NTRK2: variants seen among roughly 807,000 people sequenced by gnomAD.
NTRK2 encodes BDNF/NT-3 growth factors receptor.
A neutral mutation model predicts 94.5 loss-of-function variants in NTRK2; 13 were observed. The ratio of observed to expected loss-of-function variants is 0.14; its 90% CI spans 0.09 to 0.22. The LOEUF is 0.22. Ranked by LOEUF, NTRK2 falls within the 10% of genes least tolerant of loss-of-function variation. The probability of loss-of-function intolerance (pLI) is 1.00; values close to 1 mark genes in which losing one functional copy is unlikely to be tolerated. For synonymous variants in NTRK2, 372 were observed against 407.4 expected (o/e 0.91, Z 1.05); for missense variants, 639 against 1,071.2 (o/e 0.60, Z 5.63).
intron 16 of NTRK2, among the ~76,000 whole-genome samples, chr9:84,952,239 T>TA (rs1823550456): frequency 6.6e-6 from 1 of 152,190 alleles, no homozygotes; most frequent in Non-Finnish European, 1.5e-5. Context: ...CTGCAAGAAC[T>TA]CATGGTCTTA....
chr9:84,913,269 A>G (rs1195960369), intron 14 of NTRK2, among the ~76,000 whole-genome samples: 3 of 152,082 alleles, frequency 2.0e-5, no homozygotes, highest in African/African-American at 7.2e-5. Context: ...ATACATACAT[A>G]TATATAACTT....
At chr9:84,931,893 G>T (rs1459302999) in intron 14 of NTRK2, among the ~76,000 whole-genome samples, 1 of 152,002 alleles carries the variant, frequency 6.6e-6, no homozygotes, top group Non-Finnish European at 1.5e-5. Flanking sequence ...GTCTTTATAT[G>T]GGCACTCTCC....
Position 85,025,777 on chromosome 9 carries a change from T to C in NTRK2, c.*4340T>C, listed in dbSNP as rs1833003692. ...GTTATAGGAAATCTCATGAGAGGAA[T>C]GGCTAGTGACCCAACTCTCCAAATG... On this transcript the variant is annotated 3_prime_UTR_variant, in exon 19 of 19. Coordinates refer to ENST00000277120, the MANE Select transcript of NTRK2 (RefSeq NM_006180.6). 8.6e-6 allele frequency: 2 copies of C among 233,016 alleles called. No individual in the cohort carries two copies. Among genetic ancestry groups the C allele is most frequent in the Admixed American group, 1.1e-4 (2 of 17,776 alleles). 14.4% of individuals were successfully genotyped at this position (233,016 alleles called of 1,614,324 possible).
rs1212177761 is a variant in NTRK2, at chr9:85,024,321, A to G, written c.*2884A>G. On this transcript the variant is annotated 3_prime_UTR_variant, in exon 19 of 19. Transcript: ENST00000277120. ...ATCCTCGTTCTAAAATGTAATGATC[A>G]CCAAATACGGCCTTCCATCAAATTT... 7 of 232,998 alleles carry G rather than the reference A, an allele frequency of 3.0e-5. No homozygotes were observed. Among genetic ancestry groups the G allele is most frequent in the Non-Finnish European group, 8.5e-6 (1 of 117,956 alleles). The allele number at this position is 232,998 out of a possible 1,614,324, so 14.4% of individuals were successfully genotyped here.
In NTRK2 at chr9:84,875,867, G is replaced by T. The variant is rs1432221745; in HGVS notation, c.1633+8436G>T. 2.9e-6 allele frequency: 3 copies of T among 1,041,884 alleles called. No individual in the cohort carries two copies. In the African/African-American group the frequency reaches 5.0e-5, roughly 17 times the overall value. 64.5% of individuals were successfully genotyped at this position (1,041,884 alleles called of 1,614,324 possible). A position where few individuals can be genotyped will look rare whatever the true frequency, so the allele number is the denominator to read the frequency against. ...TGACATCCAATAATATGTTAGTGTT[G>T]ATATTTTGCACAGTAATATTAAGTT... is the stretch of plus-strand genomic sequence containing the variant. On this transcript the variant is annotated intron_variant, in intron 14 of 18. Coordinates refer to ENST00000277120, the MANE Select transcript of NTRK2 (RefSeq NM_006180.6).
chr9:84,987,900 A>C (rs116576612), intron 17 of NTRK2, among the ~76,000 whole-genome samples: 12 of 152,224 alleles, frequency 7.9e-5, no homozygotes, highest in African/African-American at 2.7e-4. Context: ...CTGTTCTTCA[A>C]TGTTGTAAAT....
intron 12 of NTRK2, among the ~76,000 whole-genome samples, chr9:84,803,671 C>T (rs2070762012): frequency 1.3e-5 from 2 of 152,168 alleles, no homozygotes; most frequent in South Asian, 4.2e-4. Flanking sequence ...AGGATGTTGG[C>T]CTACCTTCCA....
At chr9:84,781,492 C>A (rs7020597) in intron 12 of NTRK2, among the ~76,000 whole-genome samples, 1 of 152,038 alleles carries the variant, frequency 6.6e-6, no homozygotes, top group Non-Finnish European at 1.5e-5. Flanking sequence ...CATTAAAGAC[C>A]TAGCCTTTTT....
chr9:84,942,769 T>G (rs2078455636), intron 15 of NTRK2, among the ~76,000 whole-genome samples: 1 of 150,986 alleles, frequency 6.6e-6, no homozygotes, highest in South Asian at 2.1e-4. Flanking sequence ...TCAAAATCTG[T>G]TAGGTTTTTT....
chr9:84,844,645 T>TCACA (rs1437884217), intron 12 of NTRK2, among the ~76,000 whole-genome samples: 71 of 101,714 alleles, frequency 7.0e-4, no homozygotes, highest in African/African-American at 2.2e-3. Flanking sequence ...ATGTAATACC[T>TCACA]CACTCACACA....
intron 12 of NTRK2, among the ~76,000 whole-genome samples, chr9:84,833,619 A>C (rs1267922693): frequency 6.7e-6 from 1 of 148,528 alleles, no homozygotes; most frequent in East Asian, 2.1e-4. Context: ...AGAAAGAGAG[A>C]GAGAAAGAAA....
chr9:84,988,530 G>C lies in NTRK2; in HGVS notation c.2173-31676G>C, dbSNP rs150282075. 3.3e-5 allele frequency among the ~76,000 whole-genome samples: 5 copies of C among 152,236 alleles called. No individual in the cohort carries two copies. In the East Asian group the frequency reaches 9.7e-4, roughly 29 times the overall value. On this transcript the variant is annotated intron_variant, in intron 17 of 18. Coordinates refer to ENST00000277120, the MANE Select transcript of NTRK2 (RefSeq NM_006180.6). ...AAGAGTGAGACAATTCTCCCATCAT[G>C]TTTGAGAACCACTGCATTAGAGAAT...
At chr9:84,791,232 A>G (rs1301094991) in intron 12 of NTRK2, among the ~76,000 whole-genome samples, 1 of 152,176 alleles carries the variant, frequency 6.6e-6, no homozygotes, top group Non-Finnish European at 1.5e-5. Flanking sequence ...CAAAAAATGG[A>G]TTTCCAAAGT....
At chr9:84,814,348 A>G (rs1434710399) in intron 12 of NTRK2, 5 of 1,065,450 alleles carry the variant, frequency 4.7e-6, no homozygotes, top group African/African-American at 1.6e-5. Context: ...ACAGAAAACC[A>G]GTTTCACGCC....
At chr9:84,833,825 T>G (rs774699232) in intron 12 of NTRK2, among the ~76,000 whole-genome samples, 1 of 152,156 alleles carries the variant, frequency 6.6e-6, no homozygotes, top group South Asian at 2.1e-4. Context: ...GAGCACTTTT[T>G]AAAAACCCAG....
intron 17 of NTRK2, among the ~76,000 whole-genome samples, chr9:84,975,879 A>G (rs1826792944): frequency 1.3e-5 from 2 of 152,150 alleles, no homozygotes; most frequent in Non-Finnish European, 1.5e-5. Flanking sequence ...AAAGGTGTAG[A>G]TACGTTTTAG....
At position 84,723,541 on chromosome 9, in the gene NTRK2, A is replaced by G. The variant is rs116073857; in HGVS notation, c.584-32A>G. On this transcript the variant is annotated intron_variant, in intron 6 of 18. Coordinates refer to ENST00000277120, the MANE Select transcript of NTRK2 (RefSeq NM_006180.6). ...TTTGATACTGCATTTAACTATTTGC[A>G]TATGCCTCTGTTTACTTTTCTTGTT... The G allele has an allele frequency of 1.6e-3, 2,592 of 1,613,486 alleles. 34 individuals carry two copies. In the African/African-American group the frequency reaches 0.03, roughly 19 times the overall value.
At chr9:84,775,224 C>A (rs2066915904) in intron 12 of NTRK2, among the ~76,000 whole-genome samples, 2 of 152,244 alleles carry the variant, frequency 1.3e-5, no homozygotes, top group Admixed American at 1.3e-4. Flanking sequence ...GAGGCACCTG[C>A]TCCTCTCCCT....
intron 14 of NTRK2, among the ~76,000 whole-genome samples, chr9:84,928,653 C>T (rs1428491877): frequency 6.6e-6 from 1 of 152,162 alleles, no homozygotes. Context: ...AGTCATGTCA[C>T]TGTGCCAAGC....
Sources: gnomAD v4.1 joint callset for allele counts (sites outside exome capture counted in the v4.1 genomes callset) on GRCh38, gnomAD v4.1.1 for gene constraint, MANE v1.5 for transcripts, NCBI Gene and HGNC (gene_info 2026-07-23, HGNC 2026-07-21) for gene names.